Variants in ALMS1 observed in about 807,000 individuals in gnomAD.
The protein encoded by ALMS1 is ALMS1 centrosome and basal body associated protein, also known as centrosome-associated protein ALMS1.
A neutral mutation model predicts 352.2 loss-of-function variants in ALMS1; 271 were observed. The observed-to-expected ratio is 0.77, with a 90% confidence interval of 0.70 to 0.85. ALMS1 has a LOEUF of 0.85. Ranked by LOEUF, ALMS1 falls within the 40% of genes least tolerant of loss-of-function variation. The probability of loss-of-function intolerance (pLI) is 0.00; values close to 1 mark genes in which losing one functional copy is unlikely to be tolerated. For synonymous variants in ALMS1, 1,865 were observed against 1,761.2 expected (o/e 1.06, Z -1.48); for missense variants, 5,445 against 4,870.7 (o/e 1.12, Z -3.51).
chr2:73,567,053 C>T (rs1412162579), intron 15 of ALMS1, among the ~76,000 whole-genome samples: 1 of 152,200 alleles, frequency 6.6e-6, no homozygotes, highest in East Asian at 1.9e-4. Flanking sequence ...TCTTCAAACT[C>T]TGTCTGTTAG....
At chr2:73,468,395 C>T (rs1395202268) in intron 9 of ALMS1, among the ~76,000 whole-genome samples, 3 of 151,918 alleles carry the variant, frequency 2.0e-5, no homozygotes, top group African/African-American at 4.8e-5. Flanking sequence ...AAATACACAA[C>T]ACAAAATTTA....
chr2:73,404,187 CTG>C (rs1470860023), intron 1 of ALMS1, among the ~76,000 whole-genome samples: 1 of 152,236 alleles, frequency 6.6e-6, no homozygotes, highest in Non-Finnish European at 1.5e-5. Context: ...GTGTGAGCCA[CTG>C]TGCCTGGCCT....
intron 11 of ALMS1, among the ~76,000 whole-genome samples, chr2:73,520,235 G>T (rs1320502712): frequency 6.6e-6 from 1 of 152,132 alleles, no homozygotes; most frequent in Non-Finnish European, 1.5e-5. Context: ...TAGAACTCAT[G>T]CTGTTTGTGT....
intron 3 of ALMS1, among the ~76,000 whole-genome samples, chr2:73,420,548 T>C (rs954856043): frequency 1.3e-5 from 2 of 152,140 alleles, no homozygotes; most frequent in African/African-American, 4.8e-5. Flanking sequence ...TTCAAATTGA[T>C]GTAAAAAAGA....
intron 16 of ALMS1, among the ~76,000 whole-genome samples, chr2:73,583,709 C>T (rs1675248195): frequency 6.6e-6 from 1 of 152,150 alleles, no homozygotes. Flanking sequence ...ATGTGGATAT[C>T]CAGTTATCCA....
At chr2:73,419,559 G>A (rs191864212) in intron 3 of ALMS1, among the ~76,000 whole-genome samples, 86 of 152,262 alleles carry the variant, frequency 5.6e-4, no homozygotes, top group African/African-American at 2.0e-3. Context: ...AGGCAGAAAG[G>A]TGATAACTGT....
chr2:73,560,696 TAAAG>T (rs997560530), intron 15 of ALMS1, among the ~76,000 whole-genome samples: 1 of 152,108 alleles, frequency 6.6e-6, no homozygotes, highest in African/African-American at 2.4e-5. Context: ...TATTTGTCAA[TAAAG>T]AAAGCATGTT....
intron 9 of ALMS1, among the ~76,000 whole-genome samples, chr2:73,455,593 A>G (rs1392379214): frequency 6.6e-6 from 1 of 152,180 alleles, no homozygotes; most frequent in African/African-American, 2.4e-5. Context: ...TGGCAGAGAC[A>G]GGGTCTCTAC....
chr2:73,579,983 T>C (rs1195018616), intron 16 of ALMS1, among the ~76,000 whole-genome samples: 1 of 152,214 alleles, frequency 6.6e-6, no homozygotes, highest in Non-Finnish European at 1.5e-5. Context: ...CCTTTCTTTC[T>C]CTCTTCTTTT....
intron 17 of ALMS1, among the ~76,000 whole-genome samples, chr2:73,599,886 G>A (rs965455540): frequency 6.6e-6 from 1 of 152,186 alleles, no homozygotes; most frequent in Non-Finnish European, 1.5e-5. Context: ...GCAAAATAGT[G>A]TACAAAATTA....
At chr2:73,521,731 C>G (rs912817920) in intron 11 of ALMS1, among the ~76,000 whole-genome samples, 2 of 151,746 alleles carry the variant, frequency 1.3e-5, no homozygotes, top group African/African-American at 4.8e-5. Context: ...GCCTGGGCGA[C>G]ACAGCGAGAC....
intron 12 of ALMS1, among the ~76,000 whole-genome samples, chr2:73,536,411 T>C (rs1382749721): frequency 6.6e-6 from 1 of 152,030 alleles, no homozygotes; most frequent in Non-Finnish European, 1.5e-5. Context: ...CTGATAAATA[T>C]AGTTTCTGTA....
intron 9 of ALMS1, among the ~76,000 whole-genome samples, chr2:73,480,269 T>A (rs972889088): frequency 1.3e-5 from 2 of 152,006 alleles, no homozygotes; most frequent in Admixed American, 6.6e-5. Flanking sequence ...ATATTCTCCT[T>A]CCTGTGTCCA....
chr2:73,555,781 AT>A (rs1458535906), intron 13 of ALMS1, among the ~76,000 whole-genome samples: 1 of 152,180 alleles, frequency 6.6e-6, no homozygotes, highest in Non-Finnish European at 1.5e-5. Flanking sequence ...ACAGAGGTGT[AT>A]TCGTATATAT....
In ALMS1 at chr2:73,519,893, A is replaced by G. The variant is rs760370290; in HGVS notation, c.9658A>G (p.Ile3220Val). The G allele has an allele frequency of 2.5e-6, 4 of 1,614,158 alleles. No homozygotes were observed. Among genetic ancestry groups the G allele is most frequent in the Admixed American group, 1.7e-5 (1 of 60,018 alleles). The part of the protein sequence containing the change: ...EKTLFSSEIF[I>V]NAEDRGHEII... The stretch of plus-strand genomic sequence containing the variant: ...GACCCTATTTTCATCTGAGATTTTT[A>G]TTAATGCTGAAGATCGTGGACATGA... Residue 3220 changes from isoleucine (I) to valine (V), a missense_variant, in exon 11 of 23, where the codon ATT becomes GTT. Transcript: ENST00000613296.
chr2:73,503,097 A>G lies in ALMS1; in HGVS notation c.9539+11599A>G. Among the ~76,000 whole-genome samples, 2 of 151,282 alleles carry G rather than the reference A, an allele frequency of 1.3e-5. 1 individual carries two copies. The highest frequency in any genetic ancestry group is 1.3e-4 in the Admixed American group (2 of 15,176). ...TTCTCCCAGTAATGTCTTTTTTTTT[A>G]TTTTTATTTTTTTATAACACTTTAA... On this transcript the variant is annotated intron_variant, in intron 10 of 22. Coordinates refer to ENST00000613296, the MANE Select transcript of ALMS1 (RefSeq NM_001378454.1).
At chr2:73,496,539 G>T (rs961871320) in intron 10 of ALMS1, among the ~76,000 whole-genome samples, 3 of 152,052 alleles carry the variant, frequency 2.0e-5, no homozygotes, top group African/African-American at 7.2e-5. Context: ...TAGAACTGCT[G>T]TAAACATTTA....
chr2:73,514,048 T>C (rs1026918179), intron 10 of ALMS1, among the ~76,000 whole-genome samples: 4 of 152,160 alleles, frequency 2.6e-5, no homozygotes, highest in African/African-American at 4.8e-5. Context: ...AGGAAGCTTA[T>C]TTTTTGTTAC....
At chr2:73,466,783 A>G (rs1206554087) in intron 9 of ALMS1, among the ~76,000 whole-genome samples, 5 of 152,266 alleles carry the variant, frequency 3.3e-5, no homozygotes, top group African/African-American at 1.2e-4. Context: ...ACTTAAGTAT[A>G]TGAAACAAAA....
Sources: allele counts gnomAD v4.1 joint callset (sites outside exome capture counted in the v4.1 genomes callset), GRCh38; gene constraint gnomAD v4.1.1; transcripts MANE v1.5; gene names NCBI Gene and HGNC (gene_info 2026-07-23, HGNC 2026-07-21).